Variants in BTBD9 observed in about 807,000 individuals in gnomAD.
BTBD9 encodes BTB domain containing 9, also known as BTB/POZ domain-containing protein 9.
BTBD9 carries 49 observed loss-of-function variants against 64.3 expected under a neutral mutation model. That is an observed-to-expected ratio of 0.76 (90% CI 0.61 to 0.97). BTBD9 has a LOEUF of 0.97. Ranked by LOEUF, BTBD9 falls within the 50% of genes least tolerant of loss-of-function variation. The pLI is 0.00. For synonymous variants in BTBD9, 260 were observed against 274.7 expected (o/e 0.95, Z 0.53); for missense variants, 598 against 762.1 (o/e 0.78, Z 2.53).
chr6:38,252,142 ACT>A (rs1271540996), intron 9 of BTBD9, among the ~76,000 whole-genome samples: 1 of 152,132 alleles, frequency 6.6e-6, no homozygotes, highest in Non-Finnish European at 1.5e-5. Context: ...TAACAGAGAC[ACT>A]GGAGAATCTT....
chr6:38,271,964 A>G (rs1369596558), intron 8 of BTBD9, among the ~76,000 whole-genome samples: 2 of 151,212 alleles, frequency 1.3e-5, no homozygotes, highest in East Asian at 3.9e-4. Flanking sequence ...AAGAACTACA[A>G]AGAAAATGTG....
At chr6:38,519,781 A>G (rs7761154) in intron 6 of BTBD9, among the ~76,000 whole-genome samples, 100,063 of 152,018 alleles carry the variant, frequency 0.66, 33,304 homozygotes, top group Middle Eastern at 0.79. Flanking sequence ...GCCTAGCTGC[A>G]TCCCTGCCAT....
At chr6:38,399,082 GC>G (rs1233462430) in intron 6 of BTBD9, among the ~76,000 whole-genome samples, 1 of 152,158 alleles carries the variant, frequency 6.6e-6, no homozygotes, top group African/African-American at 2.4e-5. Flanking sequence ...AGAAAAATTT[GC>G]AAACACTTTG....
intron 6 of BTBD9, among the ~76,000 whole-genome samples, chr6:38,568,630 G>T (rs562639646): frequency 6.6e-6 from 1 of 152,280 alleles, no homozygotes; most frequent in South Asian, 2.1e-4. Context: ...CACCAAAACA[G>T]ACTCCTAAAG....
chr6:38,579,828 T>G (rs1168440696), intron 5 of BTBD9, among the ~76,000 whole-genome samples: 1 of 152,190 alleles, frequency 6.6e-6, no homozygotes, highest in East Asian at 1.9e-4. Context: ...TTTTTGTATA[T>G]CTAATCTTCA....
intron 6 of BTBD9, among the ~76,000 whole-genome samples, chr6:38,452,786 T>C (rs1429561957): frequency 1.3e-5 from 2 of 152,064 alleles, no homozygotes; most frequent in Non-Finnish European, 1.5e-5. Context: ...AGTAAAACAA[T>C]GATATGACTT....
intron 1 of BTBD9, among the ~76,000 whole-genome samples, 171 bp from the exon 2 acceptor site, chr6:38,598,292 T>G (rs1466388590): frequency 2.0e-5 from 3 of 152,170 alleles, no homozygotes; most frequent in African/African-American, 7.2e-5. Context: ...GAATTCAGCC[T>G]GCTTCCCTTA....
At chr6:38,273,254 G>A (rs1373171532) in intron 8 of BTBD9, among the ~76,000 whole-genome samples, 11 of 152,218 alleles carry the variant, frequency 7.2e-5, no homozygotes, top group Non-Finnish European at 1.5e-4. Flanking sequence ...TTGTAGTACA[G>A]TAATGTCCTT....
At chr6:38,328,686 G>A (rs182661548) in intron 7 of BTBD9, among the ~76,000 whole-genome samples, 36 of 150,422 alleles carry the variant, frequency 2.4e-4, no homozygotes, top group African/African-American at 7.6e-4. Context: ...GGTGGCTCAC[G>A]CCTGTAATCT....
At chr6:38,216,266 C>CT (rs1204588812) in intron 9 of BTBD9, among the ~76,000 whole-genome samples, 5 of 152,154 alleles carry the variant, frequency 3.3e-5, no homozygotes, top group African/African-American at 1.2e-4. Flanking sequence ...TTTTCATTTT[C>CT]TTATCTTCAG....
chr6:38,380,305 C>T (rs1765877122), intron 6 of BTBD9, among the ~76,000 whole-genome samples: 1 of 152,066 alleles, frequency 6.6e-6, no homozygotes, highest in African/African-American at 2.4e-5. Flanking sequence ...GAAAGATATA[C>T]TTCAGGAAGA....
intron 5 of BTBD9, among the ~76,000 whole-genome samples, chr6:38,579,264 A>C (rs1582663970): frequency 6.6e-6 from 1 of 152,234 alleles, no homozygotes; most frequent in East Asian, 1.9e-4. Flanking sequence ...GTATAGTGGC[A>C]GTTGTGCTAA....
chr6:38,269,781 A>G (rs1330874379), intron 8 of BTBD9, among the ~76,000 whole-genome samples: 1 of 152,210 alleles, frequency 6.6e-6, no homozygotes, highest in African/African-American at 2.4e-5. Context: ...TTGAGGGAAC[A>G]TCAGACAGGA....
intron 6 of BTBD9, among the ~76,000 whole-genome samples, chr6:38,386,630 C>CTT (rs11423572): frequency 0.036 from 3,352 of 92,590 alleles, 144 homozygotes; most frequent in African/African-American, 0.12. Flanking sequence ...CCAGTTTACT[C>CTT]TTTTTTTTTT....
chr6:38,469,035 C>T (rs1233639178), intron 6 of BTBD9, among the ~76,000 whole-genome samples: 1 of 151,928 alleles, frequency 6.6e-6, no homozygotes, highest in Non-Finnish European at 1.5e-5. Flanking sequence ...AATAAAATAT[C>T]ACTTGTCAGT....
rs538050586 is a variant in BTBD9, at chr6:38,497,821, C to G, written c.1154+79779G>C. ...AGCAAAGGCTTCAGAGCTGGCTATT[C>G]TCTCAAGTCCCAGGCAGAACCGAAG... On this transcript the variant is annotated intron_variant, in intron 6 of 10. Coordinates refer to ENST00000481247, the MANE Select transcript of BTBD9 (RefSeq NM_001099272.2). Among the ~76,000 whole-genome samples, 9 of 152,298 alleles carry G rather than the reference C, an allele frequency of 5.9e-5. No individual in the cohort carries two copies. The South Asian group carries it at 1.9e-3, about 32-fold the overall frequency.
At chr6:38,483,247 T>C (rs1246644762) in intron 6 of BTBD9, among the ~76,000 whole-genome samples, 1 of 152,094 alleles carries the variant, frequency 6.6e-6, no homozygotes, top group Non-Finnish European at 1.5e-5. Flanking sequence ...GAAATGGCTC[T>C]TAAAGGACGC....
intron 6 of BTBD9, among the ~76,000 whole-genome samples, chr6:38,371,796 T>C (rs1166525735): frequency 6.6e-6 from 1 of 152,198 alleles, no homozygotes; most frequent in Non-Finnish European, 1.5e-5. Context: ...GTGACTGTTT[T>C]TCGTTAATGT....
chr6:38,592,109 G>A (rs552560263), intron 4 of BTBD9, among the ~76,000 whole-genome samples: 66 of 151,854 alleles, frequency 4.3e-4, no homozygotes, highest in African/African-American at 1.5e-3. Context: ...CTTGAACCTG[G>A]GAGGCGAGGT....
Sources: allele counts gnomAD v4.1 joint callset (sites outside exome capture counted in the v4.1 genomes callset), GRCh38; gene constraint gnomAD v4.1.1; transcripts MANE v1.5; gene names NCBI Gene and HGNC (gene_info 2026-07-23, HGNC 2026-07-21).